The following ATP2B3 variants were observed in gnomAD, a reference collection of about 807,000 sequenced individuals.
ATP2B3 encodes the protein ATPase plasma membrane Ca2+ transporting 3.
Under a neutral mutation model 70.8 loss-of-function variants are expected in ATP2B3, and 12 were observed. That is an observed-to-expected ratio of 0.17 (90% confidence interval 0.11 to 0.27). The LOEUF is 0.27. Ranked by LOEUF, ATP2B3 falls within the 10% of genes least tolerant of loss-of-function variation. The pLI is 1.00. For missense variants in ATP2B3, 858 were observed against 1,118.5 expected (o/e 0.77, Z 3.32); for synonymous variants, 460 against 497.8 (o/e 0.92, Z 1.01).
In ATP2B3 at chrX:153,580,514, A is replaced by G; in HGVS notation, c.*216A>G. 7.8e-6 allele frequency: 3 copies of G among 384,453 alleles called. No homozygotes were observed. Among genetic ancestry groups the G allele is most frequent in the Non-Finnish European group, 1.3e-5 (3 of 223,288 alleles). The allele number at this position is 384,453 out of a possible 1,213,427, so 31.7% of individuals were successfully genotyped here. On this transcript the variant is annotated 3_prime_UTR_variant, in exon 22 of 22. Transcript: ENST00000263519. ...ACAGGCTCCTCATCCGGACTGAGGA[A>G]GACGAGGACAGGGAGGAGGAAAAGG... is the stretch of plus-strand genomic sequence containing the variant.
chrX:153,532,656 C>T (rs970715461), intron 2 of ATP2B3, among the ~76,000 whole-genome samples: 2 of 112,204 alleles, frequency 1.8e-5, no homozygotes, highest in African/African-American at 6.5e-5. Flanking sequence ...GCGAGGCCCC[C>T]TCTGTGGAGG....
rs1215625551 is a variant in ATP2B3, at chrX:153,559,480, T to C, written c.2626-249T>C. 6 of 379,603 alleles carry C rather than the reference T, an allele frequency of 1.6e-5. No homozygotes were observed. In the Admixed American group the frequency reaches 2.7e-4, roughly 17 times the overall value. The allele number at this position is 379,603 out of a possible 1,213,427, so 31.3% of individuals were successfully genotyped here. ...CGTCGGGCTGTTTTGTGGTCTGGGG[T>C]TTTTCACCTCCTGCGAGGGATTTGG... On this transcript the variant is annotated intron_variant, in intron 17 of 21. Transcript: ENST00000263519.
chrX:153,523,947 C>T (rs1227566434), intron 2 of ATP2B3, among the ~76,000 whole-genome samples: 6 of 111,278 alleles, frequency 5.4e-5, no homozygotes, highest in South Asian at 3.8e-4. Context: ...CCACCCACCT[C>T]GGCCTCCCAA....
chrX:153,543,719 G>A (rs782304071), intron 7 of ATP2B3, among the ~76,000 whole-genome samples: 16 of 113,192 alleles, frequency 1.4e-4, no homozygotes, highest in Middle Eastern at 4.6e-3. Flanking sequence ...TGCAGCGGGC[G>A]GAGTCCTCAG....
At chrX:153,523,886 G>A (rs1246247642) in intron 2 of ATP2B3, among the ~76,000 whole-genome samples, 3 of 109,451 alleles carry the variant, frequency 2.7e-5, no homozygotes, top group African/African-American at 1.0e-4. Context: ...AATAGACCCG[G>A]GGTTTTACCA....
intron 2 of ATP2B3, among the ~76,000 whole-genome samples, chrX:153,526,005 C>T (rs1200635996): frequency 3.5e-5 from 4 of 113,126 alleles, no homozygotes; most frequent in African/African-American, 1.3e-4. Flanking sequence ...CCCAGGCCAC[C>T]GCCTGGCCCT....
intron 2 of ATP2B3, among the ~76,000 whole-genome samples, chrX:153,530,909 T>C (rs944704221): frequency 8.9e-6 from 1 of 112,602 alleles, no homozygotes; most frequent in African/African-American, 3.2e-5. Context: ...CCAGCACAAG[T>C]GGAGCCGTGA....
At chrX:153,574,851 T>C in intron 21 of ATP2B3, 1 of 330,992 alleles carries the variant, frequency 3.0e-6, no homozygotes, top group Non-Finnish European at 5.9e-6. Flanking sequence ...ACTCCACACC[T>C]GCACCCCTTC....
chrX:153,546,135 G>A lies in ATP2B3; in HGVS notation c.958+6G>A, dbSNP rs782047480. ...GGAGAGTAGCCAGACCAAAGGTAAC[G>A]GGCGCCGCTGCTTGGGCACAACAAG... On this transcript the variant is annotated splice_donor_region_variant and intron_variant, in intron 8 of 21. Transcript: ENST00000263519. The A allele has an allele frequency of 5.0e-6, 6 of 1,209,005 alleles. No individual in the cohort carries two copies. The highest frequency in any genetic ancestry group is 2.3e-4 in the Middle Eastern group (1 of 4,365).
chrX:153,535,095 G>A (rs1203482601), intron 2 of ATP2B3, among the ~76,000 whole-genome samples: 3 of 112,992 alleles, frequency 2.7e-5, no homozygotes, highest in African/African-American at 6.4e-5. Context: ...AGCTCGGGCC[G>A]GGAAGGAGCG....
chrX:153,552,205 T>G lies in ATP2B3; in HGVS notation c.1824-830T>G, dbSNP rs138009917. On this transcript the variant is annotated intron_variant, in intron 12 of 21. Coordinates refer to ENST00000263519, the MANE Select transcript of ATP2B3 (RefSeq NM_001001344.3). ...AGGCCCAGCCCAGCTTCACTCCCCC[T>G]TACTCCCATGCCTCAGTTTCCCTGG... is the stretch of plus-strand genomic sequence containing the variant. Among the ~76,000 whole-genome samples, 560 of 112,585 alleles carry G rather than the reference T, an allele frequency of 5.0e-3. 5 individuals are homozygous for G. Among genetic ancestry groups the G allele is most frequent in the African/African-American group, 0.017 (537 of 31,032 alleles).
At chrX:153,531,723 A>G (rs2090120729) in intron 2 of ATP2B3, among the ~76,000 whole-genome samples, 1 of 112,588 alleles carries the variant, frequency 8.9e-6, no homozygotes, top group Admixed American at 9.3e-5. Flanking sequence ...GTGACTAGGG[A>G]GTGACTCGGG....
Position 153,550,835 on chromosome X carries a change from G to A in ATP2B3, c.1823+549G>A, listed in dbSNP as rs142897066. ...TGGTCTTGAAGTCTTGGGCTCAAGC[G>A]ATCCACCCACCCGGCCTCCCTAAGT... is the stretch of plus-strand genomic sequence containing the variant. On this transcript the variant is annotated intron_variant, in intron 12 of 21. Coordinates refer to ENST00000263519, the MANE Select transcript of ATP2B3 (RefSeq NM_001001344.3). 5.4e-4 allele frequency among the ~76,000 whole-genome samples: 60 copies of A among 111,425 alleles called. No individual in the cohort carries two copies. In the East Asian group the frequency reaches 0.015, roughly 28 times the overall value.
chrX:153,537,254 G>A (rs1557004571), intron 3 of ATP2B3, among the ~76,000 whole-genome samples: 1 of 113,411 alleles, frequency 8.8e-6, no homozygotes, highest in African/African-American at 3.2e-5. Flanking sequence ...CAGATTCCAG[G>A]AGCCACAGCA....
intron 13 of ATP2B3, among the ~76,000 whole-genome samples, chrX:153,554,738 T>C (rs1362159306): frequency 8.9e-6 from 1 of 112,705 alleles, no homozygotes; most frequent in Middle Eastern, 4.6e-3. Context: ...TGGGGTGGTA[T>C]TGATGCTGGA....
intron 3 of ATP2B3, among the ~76,000 whole-genome samples, chrX:153,540,018 G>T (rs1557005681): frequency 8.9e-6 from 1 of 112,890 alleles, no homozygotes; most frequent in Non-Finnish European, 1.9e-5. Flanking sequence ...AAGTCGCCAT[G>T]TAGACAAGCT....
In ATP2B3 at chrX:153,572,658, T is replaced by G. The variant is rs782789743; in HGVS notation, c.3343-7320T>G. ...CCCTCCTCTGCATGCATTGTCAGAC[T>G]GTGCCGGCCACAACTTCTGACCCCC... On this transcript the variant is annotated intron_variant, in intron 21 of 21. Transcript: ENST00000263519. Among the ~76,000 whole-genome samples, 8 of 111,620 alleles carry G rather than the reference T, an allele frequency of 7.2e-5. No homozygotes were observed. The South Asian group carries it at 3.0e-3, about 42-fold the overall frequency.
chrX:153,541,348 G>A lies in ATP2B3; in HGVS notation c.209-11G>A. 1 of 1,211,734 alleles carries A rather than the reference G, an allele frequency of 8.3e-7. No homozygotes were observed. The highest frequency in any genetic ancestry group is 1.8e-5 in the South Asian group (1 of 57,023). Reference sequence around the variant, plus strand: ...CATCCTCCCCTTCTGTGCTTCCGGGGCACCATGCAGGCCTGGCGGACAACA... The same window carrying A: ...CATCCTCCCCTTCTGTGCTTCCGGGACACCATGCAGGCCTGGCGGACAACA... On this transcript the variant is annotated splice_polypyrimidine_tract_variant and intron_variant, in intron 3 of 21. Transcript: ENST00000263519.
intron 21 of ATP2B3, among the ~76,000 whole-genome samples, chrX:153,573,161 G>A (rs782681787): frequency 6.7e-4 from 75 of 112,585 alleles, no homozygotes; most frequent in Non-Finnish European, 1.2e-3. Flanking sequence ...CCTCCGGGCC[G>A]TTTAGTTCCA....
Sources: allele counts gnomAD v4.1 joint callset (sites outside exome capture counted in the v4.1 genomes callset), GRCh38; gene constraint gnomAD v4.1.1; transcripts MANE v1.5; gene names NCBI Gene and HGNC (gene_info 2026-07-23, HGNC 2026-07-21).